The following TNNI3K variants were observed in gnomAD, a reference collection of about 807,000 sequenced individuals.
The protein encoded by TNNI3K is serine/threonine-protein kinase TNNI3K.
Under a neutral mutation model 114.5 loss-of-function variants are expected in TNNI3K, and 140 were observed. The observed-to-expected ratio is 1.22, with a 90% confidence interval of 1.07 to 1.41. The LOEUF is 1.41. TNNI3K is among the 40% of genes most tolerant of loss of function. The probability of loss-of-function intolerance (pLI) is 0.00; values close to 1 mark genes in which losing one functional copy is unlikely to be tolerated. For synonymous variants in TNNI3K, 347 were observed against 347.5 expected (o/e 1.00, Z 0.02); for missense variants, 1,125 against 1,007.6 (o/e 1.12, Z -1.58).
chr1:74,271,544 C>T, intron 4 of TNNI3K, 54 bp from the exon 5 acceptor site: 1 of 1,506,510 alleles, frequency 6.6e-7, no homozygotes, highest in Non-Finnish European at 9.0e-7. Context: ...TGTTGCACAG[C>T]TTTTGAACCT....
At chr1:74,445,669 G>A (rs1476430806) in intron 20 of TNNI3K, among the ~76,000 whole-genome samples, 1 of 143,434 alleles carries the variant, frequency 7.0e-6, no homozygotes, top group East Asian at 2.0e-4. Context: ...GGAGTGCAGT[G>A]GCGGGATCTC....
At chr1:74,494,563 T>C (rs1218220311) in intron 23 of TNNI3K, among the ~76,000 whole-genome samples, 1 of 152,208 alleles carries the variant, frequency 6.6e-6, no homozygotes, top group African/African-American at 2.4e-5. Context: ...TCTTCTGTTC[T>C]TATTCTCTAC....
intron 5 of TNNI3K, among the ~76,000 whole-genome samples, chr1:74,283,982 G>T (rs1205389792): frequency 1.3e-5 from 2 of 152,064 alleles, no homozygotes; most frequent in African/African-American, 4.8e-5. Flanking sequence ...TGAAGACTGA[G>T]TTGTAAATCA....
At chr1:74,244,156 TA>T (rs1654415540) in intron 2 of TNNI3K, among the ~76,000 whole-genome samples, 1 of 152,158 alleles carries the variant, frequency 6.6e-6, no homozygotes, top group Non-Finnish European at 1.5e-5. Context: ...ACTCTCATTT[TA>T]AAAATGTACA....
intron 5 of TNNI3K, among the ~76,000 whole-genome samples, chr1:74,308,438 GA>G (rs1463484655): frequency 6.6e-6 from 1 of 152,022 alleles, no homozygotes; most frequent in Non-Finnish European, 1.5e-5. Context: ...AATTAAGGCA[GA>G]AATCAAAAAA....
At chr1:74,433,734 T>C (rs921281533) in intron 17 of TNNI3K, among the ~76,000 whole-genome samples, 1 of 152,086 alleles carries the variant, frequency 6.6e-6, no homozygotes, top group Non-Finnish European at 1.5e-5. Flanking sequence ...CTCAATGTGA[T>C]AAATGTTATA....
At chr1:74,386,732 A>G (rs1663499717) in intron 17 of TNNI3K, among the ~76,000 whole-genome samples, 1 of 152,186 alleles carries the variant, frequency 6.6e-6, no homozygotes, top group South Asian at 2.1e-4. Context: ...CCAAATTCAG[A>G]CAATTGGGTT....
chr1:74,501,896 T>G (rs1669653225), intron 23 of TNNI3K, among the ~76,000 whole-genome samples: 1 of 152,174 alleles, frequency 6.6e-6, no homozygotes, highest in Non-Finnish European at 1.5e-5. Context: ...ATATACATTT[T>G]CTTTTTCTCA....
chr1:74,530,470 C>G (rs1053757923), intron 23 of TNNI3K, among the ~76,000 whole-genome samples: 3 of 152,110 alleles, frequency 2.0e-5, no homozygotes, highest in African/African-American at 7.2e-5. Context: ...AGTAGAGTCC[C>G]TGGCGCTTAG....
intron 2 of TNNI3K, among the ~76,000 whole-genome samples, chr1:74,245,179 A>G (rs1654478099): frequency 6.6e-6 from 1 of 152,218 alleles, no homozygotes; most frequent in African/African-American, 2.4e-5. Flanking sequence ...GATATTGGAA[A>G]AAAGAATATA....
intron 9 of TNNI3K, among the ~76,000 whole-genome samples, chr1:74,344,648 G>A (rs1049594651): frequency 6.6e-6 from 1 of 152,084 alleles, no homozygotes; most frequent in African/African-American, 2.4e-5. Flanking sequence ...TGACACCTCA[G>A]GCTAGTTTTC....
intron 5 of TNNI3K, among the ~76,000 whole-genome samples, chr1:74,274,385 G>A (rs932041401): frequency 5.3e-5 from 8 of 151,882 alleles, no homozygotes; most frequent in African/African-American, 1.9e-4. Context: ...GTTCAAACCT[G>A]TGTTGTTCAA....
chr1:74,365,806 A>T (rs1662238872), intron 11 of TNNI3K, among the ~76,000 whole-genome samples: 1 of 152,078 alleles, frequency 6.6e-6, no homozygotes, highest in African/African-American at 2.4e-5. Flanking sequence ...ACGTTATTTC[A>T]TTATAACTTA....
At chr1:74,433,124 C>T (rs909896013) in intron 17 of TNNI3K, among the ~76,000 whole-genome samples, 1 of 152,056 alleles carries the variant, frequency 6.6e-6, no homozygotes, top group African/African-American at 2.4e-5. Context: ...CACTGCTCCT[C>T]ACTTGTAGTT....
chr1:74,400,315 A>G (rs1384246720), intron 17 of TNNI3K, among the ~76,000 whole-genome samples: 1 of 152,192 alleles, frequency 6.6e-6, no homozygotes, highest in East Asian at 1.9e-4. Flanking sequence ...AATCCACCAT[A>G]CAATGACCCT....
rs772068502 is a variant in TNNI3K, at chr1:74,367,449, T to C, written c.1264+107T>C. On this transcript the variant is annotated intron_variant, in intron 12 of 24. Transcript: ENST00000326637. ...CTTTCAGGGGTTAGGGAGGAGGGCA[T>C]AGCCTATGTCAGATTAGATTTATTT... The C allele has an allele frequency of 7.3e-5, 87 of 1,199,596 alleles. No individual in the cohort carries two copies. The Middle Eastern group carries it at 1.8e-3, about 24-fold the overall frequency. The allele number at this position is 1,199,596 out of a possible 1,614,324, so 74.3% of individuals were successfully genotyped here. A position where few individuals can be genotyped will look rare whatever the true frequency, so the allele number is the denominator to read the frequency against.
chr1:74,523,938 G>A (rs1456516045), intron 23 of TNNI3K, among the ~76,000 whole-genome samples: 4 of 135,258 alleles, frequency 3.0e-5, no homozygotes, highest in African/African-American at 8.4e-5. Flanking sequence ...CCCCACCCCC[G>A]ACAGGCCCCA....
intron 1 of TNNI3K, 76 bp from the exon 2 acceptor site, chr1:74,236,026 A>T: frequency 9.3e-7 from 1 of 1,069,872 alleles, no homozygotes; most frequent in Non-Finnish European, 1.4e-6. Flanking sequence ...AGTTTTGATT[A>T]CTTGTATGTT....
intron 13 of TNNI3K, among the ~76,000 whole-genome samples, chr1:74,368,306 A>G (rs1662389925): frequency 6.6e-6 from 1 of 151,838 alleles, no homozygotes; most frequent in Non-Finnish European, 1.5e-5. Flanking sequence ...AATATATATT[A>G]TTTTTCAAAA....
Sources: gnomAD v4.1 joint callset for allele counts (sites outside exome capture counted in the v4.1 genomes callset) on GRCh38, gnomAD v4.1.1 for gene constraint, MANE v1.5 for transcripts, NCBI Gene and HGNC (gene_info 2026-07-23, HGNC 2026-07-21) for gene names.